DHX37: variants seen among roughly 807,000 people sequenced by gnomAD.
DHX37 encodes the protein DEAH-box helicase 37, also known as probable ATP-dependent RNA helicase DHX37.
DHX37 carries 52 observed loss-of-function variants against 134.3 expected under a neutral mutation model. The ratio of observed to expected loss-of-function variants is 0.39; its 90% CI spans 0.31 to 0.49. The LOEUF is 0.49. Ranked by LOEUF, DHX37 falls within the 20% of genes least tolerant of loss-of-function variation. The pLI is 0.93. For missense variants in DHX37, 1,344 were observed against 1,580.8 expected, an observed-to-expected ratio of 0.85 and a Z score of 2.54; for synonymous variants, 634 against 670.7, an observed-to-expected ratio of 0.95 and a Z score of 0.85.
chr12:124,960,121 C>A (rs551179411), intron 16 of DHX37, among the ~76,000 whole-genome samples, 191 bp downstream of exon 16: 6 of 152,324 alleles, frequency 3.9e-5, no homozygotes, highest in African/African-American at 1.4e-4. Context: ...TGGGTGTCCA[C>A]GGGCGATGCA....
At chr12:124,971,491 C>A in intron 7 of DHX37, 76 bp from the exon 8 acceptor site, 2 of 1,558,228 alleles carry the variant, frequency 1.3e-6, no homozygotes, top group Non-Finnish European at 1.7e-6. Flanking sequence ...AGAACTCCCA[C>A]TTGAGGAGAC....
At chr12:124,963,640 C>T (rs915770583) in intron 15 of DHX37, among the ~76,000 whole-genome samples, 81 of 150,168 alleles carry the variant, frequency 5.4e-4, no homozygotes, top group African/African-American at 1.8e-3. Flanking sequence ...GAGGCCGAGG[C>T]GGGTGGATCA....
intron 16 of DHX37, among the ~76,000 whole-genome samples, chr12:124,959,859 TC>T (rs1954192037): frequency 6.6e-6 from 1 of 152,190 alleles, no homozygotes; most frequent in Non-Finnish European, 1.5e-5. Flanking sequence ...CTCCGTTTCC[TC>T]ATCAGTTAAA....
intron 1 of DHX37, among the ~76,000 whole-genome samples, chr12:124,988,045 G>A (rs575867110): frequency 1.5e-5 from 2 of 133,574 alleles, no homozygotes; most frequent in South Asian, 4.9e-4. Context: ...CCAGGCTAGA[G>A]TACAGTGGTG....
At chr12:124,968,809 G>A (rs536224438) in intron 9 of DHX37, 58 bp downstream of exon 9, 20 of 1,606,634 alleles carry the variant, frequency 1.2e-5, no homozygotes, top group East Asian at 4.5e-5. Flanking sequence ...GGGGGCTCCC[G>A]ACACCAGGGC....
chr12:124,966,919 G>A (rs374967425), intron 11 of DHX37, 41 bp from the exon 12 acceptor site: 31 of 1,612,218 alleles, frequency 1.9e-5, no homozygotes, highest in African/African-American at 5.3e-5. Flanking sequence ...GTCTGTGGCC[G>A]GCGTGGTCGC....
At chr12:124,953,594 C>T (rs4765188) in intron 20 of DHX37, 252,788 of 421,406 alleles carry the variant, frequency 0.6, 78,305 homozygotes, top group East Asian at 0.83. Flanking sequence ...CAGGCCACAG[C>T]GGTGATGGAA....
chr12:124,965,639 A>G lies in DHX37; in HGVS notation c.1735+29T>C, dbSNP rs758062266. On this transcript the variant is annotated intron_variant, in intron 13 of 26. Transcript: ENST00000308736. ...CATCCTCAGGGCAGAGATAATGAACATGAGCAGGAATCGGTGCTCGGGCCA... is the reference window on the plus strand; with the variant it reads ...CATCCTCAGGGCAGAGATAATGAACGTGAGCAGGAATCGGTGCTCGGGCCA... 5 of 1,577,634 alleles carry G rather than the reference A, an allele frequency of 3.2e-6. No individual in the cohort carries two copies. The African/African-American group carries it at 5.4e-5, about 17-fold the overall frequency.
At chr12:124,960,821 GACGT>G (rs1954222702) in intron 15 of DHX37, among the ~76,000 whole-genome samples, 1 of 152,190 alleles carries the variant, frequency 6.6e-6, no homozygotes, top group African/African-American at 2.4e-5. Flanking sequence ...CAGGCACGGT[GACGT>G]GCATCTGTAG....
chr12:124,972,320 CA>C (rs1160157205), intron 7 of DHX37, among the ~76,000 whole-genome samples, 182 bp downstream of exon 7: 3 of 152,250 alleles, frequency 2.0e-5, no homozygotes, highest in African/African-American at 7.2e-5. Flanking sequence ...AGGAATGCAC[CA>C]ACATACTCAT....
intron 21 of DHX37, among the ~76,000 whole-genome samples, chr12:124,951,774 C>T (rs1395825373): frequency 1.3e-5 from 2 of 152,056 alleles, no homozygotes; most frequent in East Asian, 3.9e-4. Context: ...GAGTTCAAGA[C>T]CAGCCTGGCC....
intron 2 of DHX37, among the ~76,000 whole-genome samples, chr12:124,985,119 T>C (rs7138382): frequency 0.8 from 121,715 of 152,102 alleles, 49,754 homozygotes; most frequent in East Asian, 1. Context: ...GCCCTGCCAA[T>C]ACCTTGATCT....
intron 16 of DHX37, among the ~76,000 whole-genome samples, chr12:124,958,596 G>A (rs1037180542): frequency 9.9e-5 from 15 of 152,118 alleles, no homozygotes; most frequent in South Asian, 8.3e-4. Context: ...CGTGCTGAAC[G>A]CCCAGCACAT....
At chr12:124,984,319 G>C (rs1253025193) in intron 2 of DHX37, among the ~76,000 whole-genome samples, 1 of 152,202 alleles carries the variant, frequency 6.6e-6, no homozygotes, top group Non-Finnish European at 1.5e-5. Context: ...GGTCACTTCA[G>C]GTTGGGAGTT....
chr12:124,964,991 G>A lies in DHX37; in HGVS notation c.1751C>T (p.Ala584Val), dbSNP rs747628991. 5 of 1,596,174 alleles carry A rather than the reference G, an allele frequency of 3.1e-6. No homozygotes were observed. In the South Asian group the frequency reaches 4.6e-5, roughly 15 times the overall value. Residue 584 changes from alanine (A) to valine (V), a missense_variant, in exon 14 of 27, where the codon GCC becomes GTC. This residue lies in a region of DHX37 where 289 missense variants were observed against 323.8 expected (regional missense o/e 0.89). Transcript: ENST00000308736. The stretch of plus-strand genomic sequence containing the variant: ...CGGGAGCACGTGGAGCGGGAGGGAG[G>A]CATCCGGCTGCTCACCTGGAGGGAA... ...GGQDGGEQPDASLPLHVLPLY... is the reference protein window; with the variant it reads ...GGQDGGEQPDVSLPLHVLPLY...
chr12:124,980,896 G>T lies in DHX37; in HGVS notation c.390-58C>A, dbSNP rs564037319. ...GCCCCACCTCAATCCCAGAGGTCAG[G>T]ACTCCAAGGCCATACCCCTTTCTGC... On this transcript the variant is annotated intron_variant, in intron 3 of 26. Coordinates refer to ENST00000308736, the MANE Select transcript of DHX37 (RefSeq NM_032656.4). This position sits in a 1 kb window ranked among gnomAD's most constrained non-coding sequence, Gnocchi z 5.3. 5.9e-6 allele frequency: 9 copies of T among 1,523,192 alleles called. No homozygotes were observed. The highest frequency in any genetic ancestry group is 4.2e-5 in the Admixed American group (2 of 47,760). 94.4% of individuals were successfully genotyped at this position (1,523,192 alleles called of 1,614,324 possible).
In DHX37 at chr12:124,965,519, C is replaced by T. The variant is rs1270616057; in HGVS notation, c.1735+149G>A. ...CATTCAACATGGCAAATGTTTGAGGCCTCCTCGTGCCAGGCAGTTTCAAGA... is the reference window on the plus strand; with the variant it reads ...CATTCAACATGGCAAATGTTTGAGGTCTCCTCGTGCCAGGCAGTTTCAAGA... On this transcript the variant is annotated intron_variant, in intron 13 of 26. Transcript: ENST00000308736. 37 of 1,305,188 alleles carry T rather than the reference C, an allele frequency of 2.8e-5. 1 individual carries two copies. The highest frequency in any genetic ancestry group is 3.2e-5 in the Non-Finnish European group (32 of 994,210). The allele number at this position is 1,305,188 out of a possible 1,614,324, so 80.9% of individuals were successfully genotyped here. A position where few individuals can be genotyped will look rare whatever the true frequency, so the allele number is the denominator to read the frequency against.
chr12:124,978,773 A>T (rs1340485171), intron 4 of DHX37, among the ~76,000 whole-genome samples: 1 of 151,514 alleles, frequency 6.6e-6, no homozygotes, highest in East Asian at 2.0e-4. Context: ...AAAAAATAAA[A>T]ATAAAAAAGT....
chr12:124,978,847 G>A (rs1353066484), intron 4 of DHX37, among the ~76,000 whole-genome samples: 2 of 151,496 alleles, frequency 1.3e-5, no homozygotes, highest in Non-Finnish European at 2.9e-5. Context: ...TGGGAGGACC[G>A]CTTGAGCCCA....
Sources: gnomAD v4.1 joint callset for allele counts (sites outside exome capture counted in the v4.1 genomes callset) on GRCh38, gnomAD v4.1.1 for gene constraint, gnomAD v4.1.1 regional missense constraint, Gnocchi (gnomAD v3.1) non-coding constraint, MANE v1.5 for transcripts, NCBI Gene and HGNC (gene_info 2026-07-23, HGNC 2026-07-21) for gene names.